Variants in TMEM132D observed in about 807,000 individuals in gnomAD.
TMEM132D encodes the protein mature OL transmembrane protein.
TMEM132D carries 21 observed loss-of-function variants against 62.3 expected under a neutral mutation model. The observed-to-expected ratio is 0.34, with a 90% CI of 0.24 to 0.49. The LOEUF (loss-of-function observed/expected upper bound fraction) is 0.49. Among genes scored for constraint, TMEM132D ranks in the 20% least tolerant of loss-of-function variants. The pLI is 0.99. For synonymous variants in TMEM132D, 621 were observed against 575.6 expected (o/e 1.08, Z -1.13); for missense variants, 1,346 against 1,402.8 (o/e 0.96, Z 0.65).
At chr12:129,600,899 T>C (rs1328900713) in intron 2 of TMEM132D, among the ~76,000 whole-genome samples, 2 of 152,060 alleles carry the variant, frequency 1.3e-5, no homozygotes, top group Non-Finnish European at 1.5e-5. Context: ...AATTTCAGAG[T>C]GGTAAATGCG....
chr12:129,076,090 A>ATTCTCTCTCT (rs1874244814), intron 8 of TMEM132D, among the ~76,000 whole-genome samples: 1 of 151,504 alleles, frequency 6.6e-6, no homozygotes, highest in African/African-American at 2.4e-5. Context: ...AGCCAGCATT[A>ATTCTCTCTCT]CTCTCTCTCT....
At chr12:129,601,275 A>C (rs550258479) in intron 2 of TMEM132D, among the ~76,000 whole-genome samples, 47 of 152,288 alleles carry the variant, frequency 3.1e-4, no homozygotes, top group African/African-American at 1.0e-3. Context: ...ATAGAACTGA[A>C]AAGTTAGGCT....
intron 2 of TMEM132D, among the ~76,000 whole-genome samples, chr12:129,550,671 G>A (rs2137105434): frequency 6.6e-6 from 1 of 152,336 alleles, no homozygotes; most frequent in South Asian, 2.1e-4. Context: ...AACACCAGGG[G>A]AGGTGAAGAC....
At chr12:129,596,555 C>T (rs375784681) in intron 2 of TMEM132D, among the ~76,000 whole-genome samples, 2 of 151,906 alleles carry the variant, frequency 1.3e-5, no homozygotes, top group Admixed American at 6.6e-5. Flanking sequence ...AAAATAGTGT[C>T]GGTCATATTG....
intron 1 of TMEM132D, among the ~76,000 whole-genome samples, chr12:129,837,962 A>G (rs1200237832): frequency 2.6e-5 from 4 of 152,158 alleles, no homozygotes; most frequent in Admixed American, 2.6e-4. Context: ...CAAAACATCT[A>G]TTTTTTTCTT....
intron 5 of TMEM132D, among the ~76,000 whole-genome samples, chr12:129,095,712 G>A (rs1245719659): frequency 6.6e-6 from 1 of 152,090 alleles, no homozygotes; most frequent in Non-Finnish European, 1.5e-5. Context: ...AGAGACACCA[G>A]GGATGCACAG....
intron 1 of TMEM132D, among the ~76,000 whole-genome samples, chr12:129,801,382 T>C (rs990448112): frequency 2.0e-5 from 3 of 151,324 alleles, no homozygotes; most frequent in African/African-American, 4.9e-5. Context: ...CCCTGACCCC[T>C]GACCCCCGAG....
At chr12:129,262,677 G>A (rs993349645) in intron 4 of TMEM132D, 3 of 152,216 alleles carry the variant, frequency 2.0e-5, no homozygotes, top group African/African-American at 7.2e-5. Context: ...GCCCAAGTAA[G>A]ATGAGACTGT....
intron 4 of TMEM132D, among the ~76,000 whole-genome samples, chr12:129,319,367 C>A (rs1442977957): frequency 6.6e-6 from 1 of 152,156 alleles, no homozygotes; most frequent in Non-Finnish European, 1.5e-5. Flanking sequence ...ACAAACAGAC[C>A]TTCAGCTTCT....
intron 3 of TMEM132D, among the ~76,000 whole-genome samples, chr12:129,507,304 A>T (rs879714847): frequency 6.6e-6 from 1 of 152,200 alleles, no homozygotes; most frequent in East Asian, 1.9e-4. Flanking sequence ...AAGTGTGGAG[A>T]TTCCTTAAAG....
At chr12:129,524,980 C>T (rs1225798703) in intron 3 of TMEM132D, among the ~76,000 whole-genome samples, 1 of 114,308 alleles carries the variant, frequency 8.7e-6, no homozygotes, top group African/African-American at 3.5e-5. Context: ...GGCTGGAGTG[C>T]AGTGGCGCGA....
chr12:129,218,598 C>T (rs1010568277), intron 4 of TMEM132D, among the ~76,000 whole-genome samples: 12 of 152,042 alleles, frequency 7.9e-5, no homozygotes, highest in Admixed American at 1.3e-4. Context: ...CATTGTTGAC[C>T]GAAATGTTGG....
intron 5 of TMEM132D, among the ~76,000 whole-genome samples, chr12:129,114,415 TC>T (rs1231869513): frequency 1.3e-5 from 2 of 151,364 alleles, no homozygotes; most frequent in South Asian, 2.1e-4. Context: ...CTTCCCTCCT[TC>T]CCTCCTTCCC....
At chr12:129,890,818 CA>C (rs1307403403) in intron 1 of TMEM132D, among the ~76,000 whole-genome samples, 1 of 152,138 alleles carries the variant, frequency 6.6e-6, no homozygotes, top group Non-Finnish European at 1.5e-5. Context: ...AATTTGTCCT[CA>C]AAATGATTGA....
intron 4 of TMEM132D, among the ~76,000 whole-genome samples, chr12:129,232,092 T>A (rs879663884): frequency 6.6e-6 from 1 of 152,196 alleles, no homozygotes; most frequent in Non-Finnish European, 1.5e-5. Context: ...TGGTAGTGGG[T>A]CTCACACTCT....
At chr12:129,391,520 G>A (rs889664494) in intron 3 of TMEM132D, among the ~76,000 whole-genome samples, 7 of 152,160 alleles carry the variant, frequency 4.6e-5, no homozygotes, top group East Asian at 1.9e-4. Flanking sequence ...TCTCCTGCAC[G>A]GGCGGTGCCT....
chr12:129,841,904 C>A (rs980984454), intron 1 of TMEM132D, among the ~76,000 whole-genome samples: 1 of 150,738 alleles, frequency 6.6e-6, no homozygotes, highest in African/African-American at 2.4e-5. Flanking sequence ...TAAGAGCCAG[C>A]CCTTGCTCTA....
intron 3 of TMEM132D, among the ~76,000 whole-genome samples, chr12:129,406,811 G>A (rs1157448984): frequency 6.6e-6 from 1 of 152,164 alleles, no homozygotes; most frequent in Non-Finnish European, 1.5e-5. Context: ...TCTGAGCTGT[G>A]CAAGTGCACG....
At chr12:129,185,061 C>A (rs769651636) in intron 5 of TMEM132D, among the ~76,000 whole-genome samples, 2 of 152,260 alleles carry the variant, frequency 1.3e-5, no homozygotes, top group African/African-American at 4.8e-5. Flanking sequence ...GCTGAACCTG[C>A]GCTGAACTTA....
Sources: gnomAD v4.1 joint callset for allele counts (sites outside exome capture counted in the v4.1 genomes callset) on GRCh38, gnomAD v4.1.1 for gene constraint, MANE v1.5 for transcripts, NCBI Gene and HGNC (gene_info 2026-07-23, HGNC 2026-07-21) for gene names.